The following RCCD1 variants were observed in gnomAD, a reference collection of about 807,000 sequenced individuals.
The protein encoded by RCCD1 is RCC1 domain containing 1, also known as RCC1 domain-containing protein 1.
Under a neutral mutation model 37.6 loss-of-function variants are expected in RCCD1, and 40 were observed. The observed-to-expected ratio is 1.06, with a 90% CI of 0.83 to 1.39. The LOEUF is 1.39. Ranked by LOEUF, RCCD1 falls within the 40% of genes most tolerant of loss-of-function variation. The pLI, the probability that RCCD1 is intolerant of heterozygous loss-of-function variation, is 0.00. For synonymous variants in RCCD1, 263 were observed against 230.0 expected (o/e 1.14, Z -1.30); for missense variants, 577 against 517.3 (o/e 1.12, Z -1.12).
intron 6 of RCCD1, 28 bp from the exon 7 acceptor site, chr15:90,960,997 C>G (rs1459591633): frequency 6.2e-7 from 1 of 1,613,274 alleles, no homozygotes; most frequent in Non-Finnish European, 8.5e-7. Context: ...ACCGTAGTGA[C>G]AACTATCGAT....
At position 90,956,786 on chromosome 15, in the gene RCCD1, G is replaced by C. The variant is rs774377839; in HGVS notation, c.52G>C (p.Gly18Arg). The part of the protein sequence containing the change: ...AWFGFGFCGF[G>R]QELGSGRGRQ... ...GTTCGGCTTCGGTTTCTGCGGCTTC[G>C]GGCAGGAGCTGGGCTCCGGACGCGG... Residue 18 changes from glycine to arginine, a missense_variant, in exon 2 of 8, where the codon GGG becomes CGG. Transcript: ENST00000394258. The C allele has an allele frequency of 1.5e-6, 2 of 1,330,320 alleles. No individual in the cohort carries two copies. 82.4% of individuals were successfully genotyped at this position (1,330,320 alleles called of 1,614,324 possible).
intron 7 of RCCD1, 54 bp from the exon 8 acceptor site, chr15:90,961,564 A>AAGC: frequency 6.4e-7 from 1 of 1,562,620 alleles, no homozygotes. Flanking sequence ...CCTGGAGGGA[A>AAGC]AGCAGCAGCA....
Position 90,957,489 on chromosome 15 carries a change from C to T in RCCD1, c.543C>T (p.Ser181=), listed in dbSNP as rs1314931408. ...TGGACGCTGCTGGCCAGGTGTTCTCCTGGGGCGGGGGCAGGTGAGCGGAGG... is the reference window on the plus strand; with the variant it reads ...TGGACGCTGCTGGCCAGGTGTTCTCTTGGGGCGGGGGCAGGTGAGCGGAGG... ...LLLDAAGQVF[S]WGGGRHGQLG... The change falls in exon 3 of 8, where the codon TCC becomes TCT. Residue 181 remains serine, a synonymous_variant. Transcript: ENST00000394258. 1.9e-6 allele frequency: 3 copies of T among 1,555,866 alleles called. No individual in the cohort carries two copies. Among genetic ancestry groups the T allele is most frequent in the African/African-American group, 1.4e-5 (1 of 74,046 alleles).
intron 5 of RCCD1, 55 bp from the exon 6 acceptor site, chr15:90,960,273 A>AT (rs2037286698): frequency 6.6e-7 from 1 of 1,519,510 alleles, no homozygotes; most frequent in African/African-American, 1.4e-5. Flanking sequence ...GACTGCATGA[A>AT]TAAGATTTAG....
chr15:90,956,517 C>T (rs1243329010), intron 1 of RCCD1, 95 bp from the exon 2 acceptor site: 3 of 402,824 alleles, frequency 7.4e-6, no homozygotes, highest in East Asian at 3.6e-5. Flanking sequence ...TTTGTAAATC[C>T]GGTAGGGCAT....
intron 1 of RCCD1, 39 bp downstream of exon 1, chr15:90,954,987 C>T (rs1049064079): frequency 2.0e-5 from 3 of 152,338 alleles, no homozygotes; most frequent in African/African-American, 4.8e-5. Flanking sequence ...CGTCACTCCT[C>T]GCCAAACCTT....
rs577686780 is a variant in RCCD1 at position 90,957,713 on chromosome 15, G to T, written c.667G>T (p.Val223Leu). 1.3e-5 allele frequency: 21 copies of T among 1,609,300 alleles called. No individual in the cohort carries two copies. The South Asian group carries it at 2.2e-4, about 17-fold the overall frequency. Reference sequence around the variant, plus strand: ...GGTGGCCGCGGGGGGCTGGCATTCTGTGTGTGTGAGTGGTGAGTGACTTAG... The same window carrying T: ...GGTGGCCGCGGGGGGCTGGCATTCTTTGTGTGTGAGTGGTGAGTGACTTAG... The part of the protein sequence containing the change: ...AEVAAGGWHS[V>L]CVSETGDIYI... Residue 223 changes from valine (V) to leucine (L), a missense_variant, in exon 4 of 8, where the codon GTG becomes TTG. By Grantham distance (32) the Val-to-Leu change is conservative (BLOSUM62 1). Transcript: ENST00000394258.
chr15:90,961,895 G>A lies in RCCD1; in HGVS notation c.*126G>A. On this transcript the variant is annotated 3_prime_UTR_variant, in exon 8 of 8. Coordinates refer to ENST00000394258, the MANE Select transcript of RCCD1 (RefSeq NM_001017919.2). ...TCACAGTCCTGCCCTTCACCCTCAA[G>A]CACGGTCCTAAACTTGTCTGCACTT... 1.1e-6 allele frequency: 1 copy of A among 915,238 alleles called. No individual in the cohort carries two copies. Among genetic ancestry groups the A allele is most frequent in the Non-Finnish European group, 1.6e-6 (1 of 609,496 alleles). 56.7% of individuals were successfully genotyped at this position (915,238 alleles called of 1,614,324 possible).
intron 1 of RCCD1, among the ~76,000 whole-genome samples, chr15:90,956,076 C>T (rs757328677): frequency 5.9e-5 from 9 of 152,206 alleles, no homozygotes; most frequent in Non-Finnish European, 1.3e-4. Context: ...CCGCCCCCAC[C>T]TCCCTTTGTA....
chr15:90,956,178 G>GCGTTC, intron 1 of RCCD1, among the ~76,000 whole-genome samples: 1 of 152,336 alleles, frequency 6.6e-6, no homozygotes, highest in African/African-American at 2.4e-5. Context: ...ACGCTCTTCT[G>GCGTTC]CGTTCCGCTG....
intron 2 of RCCD1, 53 bp from the exon 3 acceptor site, chr15:90,957,060 C>T (rs1016748013): frequency 3.1e-6 from 4 of 1,305,664 alleles, no homozygotes; most frequent in Admixed American, 8.1e-5. Context: ...CACCCCGCTC[C>T]CCCCATCCCC....
At chr15:90,956,490 CTA>C (rs898426811) in intron 1 of RCCD1, 120 bp from the exon 2 acceptor site, 3 of 386,270 alleles carry the variant, frequency 7.8e-6, no homozygotes, top group African/African-American at 6.2e-5. Context: ...GAAAGTGCCT[CTA>C]AATATTTGAG....
At chr15:90,961,516 C>A in intron 7 of RCCD1, 102 bp from the exon 8 acceptor site, 1 of 1,317,062 alleles carries the variant, frequency 7.6e-7, no homozygotes, top group South Asian at 1.5e-5. Context: ...AGCAGTGGGG[C>A]ATAATCCCAG....
Position 90,956,649 on chromosome 15 carries a change from C to T in RCCD1, c.-86C>T. The stretch of plus-strand genomic sequence containing the variant: ...CAGCCCCTGGAAGGCCAGAGACTTG[C>T]CAGTGTCCCACTAGCGGGCTCTTCG... On this transcript the variant is annotated 5_prime_UTR_variant, in exon 2 of 8. Transcript: ENST00000394258. 1.7e-6 allele frequency: 2 copies of T among 1,172,496 alleles called. No homozygotes were observed. Among genetic ancestry groups the T allele is most frequent in the Non-Finnish European group, 2.1e-6 (2 of 933,116 alleles). 72.6% of individuals were successfully genotyped at this position (1,172,496 alleles called of 1,614,324 possible).
In RCCD1 at chr15:90,956,629, C is replaced by T. The variant is rs2037198676; in HGVS notation, c.-106C>T. Reference sequence around the variant, plus strand: ...TTTTACAGATAAGGCAGCTCCAGCCCCTGGAAGGCCAGAGACTTGCCAGTG... The same window carrying T: ...TTTTACAGATAAGGCAGCTCCAGCCTCTGGAAGGCCAGAGACTTGCCAGTG... On this transcript the variant is annotated 5_prime_UTR_variant, in exon 2 of 8. Coordinates refer to ENST00000394258, the MANE Select transcript of RCCD1 (RefSeq NM_001017919.2). 9.4e-7 allele frequency: 1 copy of T among 1,059,094 alleles called. No individual in the cohort carries two copies. The allele number at this position is 1,059,094 out of a possible 1,614,324, so 65.6% of individuals were successfully genotyped here. A position where few individuals can be genotyped will look rare whatever the true frequency, so the allele number is the denominator to read the frequency against.
In RCCD1 at chr15:90,957,221, C is replaced by T. The variant is rs1184007505; in HGVS notation, c.275C>T (p.Pro92Leu). 5 of 1,422,310 alleles carry T rather than the reference C, an allele frequency of 3.5e-6. No individual in the cohort carries two copies. Among genetic ancestry groups the T allele is most frequent in the African/African-American group, 3.0e-5 (2 of 66,278 alleles). The allele number at this position is 1,422,310 out of a possible 1,614,324, so 88.1% of individuals were successfully genotyped here. A position where few individuals can be genotyped will look rare whatever the true frequency, so the allele number is the denominator to read the frequency against. Residue 92 changes from proline to leucine, a missense_variant, in exon 3 of 8, where the codon CCG becomes CTG. Coordinates refer to ENST00000394258, the MANE Select transcript of RCCD1 (RefSeq NM_001017919.2). Reference sequence around the variant, plus strand: ...GCGGTGCTGCGCGCCGGGCCGGGGCCGGAGGCGTTACTGCAGGTCTGGGCG... The same window carrying T: ...GCGGTGCTGCGCGCCGGGCCGGGGCTGGAGGCGTTACTGCAGGTCTGGGCG... ...LLAVLRAGPG[P>L]EALLQVWAAE...
Position 90,956,898 on chromosome 15 carries a change from C to G in RCCD1, c.164C>G (p.Thr55Ser), listed in dbSNP as rs1389749451. 1 of 1,285,836 alleles carries G rather than the reference C, an allele frequency of 7.8e-7. No homozygotes were observed. The highest frequency in any genetic ancestry group is 9.8e-7 in the Non-Finnish European group (1 of 1,017,558). The allele number at this position is 1,285,836 out of a possible 1,614,324, so 79.7% of individuals were successfully genotyped here. A position where few individuals can be genotyped will look rare whatever the true frequency, so the allele number is the denominator to read the frequency against. ...AGCTGGAGCTACACCGCTTTCGTGA[C>G]CCGTGAGCACTCCCCGCCCCGTCCC... ...SASWSYTAFV[T>S]RGGRLELSGS... The change falls in exon 2 of 8, where the codon ACC becomes AGC. Residue 55 changes from threonine to serine, a missense_variant and splice_region_variant. By Grantham distance (58) the Thr-to-Ser change is moderately conservative (BLOSUM62 1). Coordinates refer to ENST00000394258, the MANE Select transcript of RCCD1 (RefSeq NM_001017919.2).
In RCCD1 at chr15:90,960,635, A is replaced by C. The variant is rs1001283759; in HGVS notation, c.949+137A>C. On this transcript the variant is annotated intron_variant, in intron 6 of 7. Transcript: ENST00000394258. ...TACCTTGCTCAGTGGATAAGCCCCA[A>C]CCCCCTTGTTGTTTCACAGTAGTTC... The C allele has an allele frequency of 3.7e-6, 3 of 801,722 alleles. No individual in the cohort carries two copies. In the African/African-American group the frequency reaches 5.3e-5, roughly 14 times the overall value. 49.7% of individuals were successfully genotyped at this position (801,722 alleles called of 1,614,324 possible).
At position 90,960,474 on chromosome 15, in the gene RCCD1, T is replaced by G; in HGVS notation, c.925T>G (p.Ser309Ala). 6.2e-7 allele frequency: 1 copy of G among 1,611,152 alleles called. No homozygotes were observed. The change falls in exon 6 of 8, where the codon TCC becomes GCC. Residue 309 changes from serine (S) to alanine (A), a missense_variant. Ser to Ala is a moderately conservative substitution (Grantham distance 99). Transcript: ENST00000394258. ...AGATGCAGTCAAGGCCAGCTGTGGA[T>G]CCCGGCACACAGCTGTGGTGACACG... The part of the protein sequence containing the change: ...GSDAVKASCG[S>A]RHTAVVTRTG...
Sources: allele counts gnomAD v4.1 joint callset (sites outside exome capture counted in the v4.1 genomes callset), GRCh38; gene constraint gnomAD v4.1.1; transcripts MANE v1.5; gene names NCBI Gene and HGNC (gene_info 2026-07-23, HGNC 2026-07-21).